The following MIA2 variants were observed in gnomAD, a reference collection of about 807,000 sequenced individuals.
MIA2 encodes the protein MIA SH3 domain ER export factor 2.
Under a neutral mutation model 167.8 loss-of-function variants are expected in MIA2, and 127 were observed. The observed-to-expected ratio is 0.76, with a 90% CI of 0.66 to 0.88. The LOEUF (loss-of-function observed/expected upper bound fraction) is 0.88. Among genes scored for constraint, MIA2 ranks in the 40% least tolerant of loss-of-function variants. The pLI is 0.00. For synonymous variants in MIA2, 552 were observed against 541.9 expected (o/e 1.02, Z -0.26); for missense variants, 1,690 against 1,624.7 (o/e 1.04, Z -0.69).
At chr14:39,266,742 C>T (rs528605685) in intron 6 of MIA2, 1 of 984,824 alleles carries the variant, frequency 1.0e-6, no homozygotes, top group African/African-American at 1.7e-5. Flanking sequence ...GGTACGCCGC[C>T]GTCAGGACTT....
At chr14:39,371,990 A>G (rs906802316) in intron 23 of MIA2, among the ~76,000 whole-genome samples, 4 of 152,012 alleles carry the variant, frequency 2.6e-5, no homozygotes, top group Admixed American at 1.3e-4. Flanking sequence ...AATTTTAGCA[A>G]AAGTCTTAAG....
chr14:39,294,458 A>G (rs1473669409), intron 12 of MIA2, among the ~76,000 whole-genome samples: 1 of 150,894 alleles, frequency 6.6e-6, no homozygotes, highest in African/African-American at 2.4e-5. Context: ...TCGGCCTCCC[A>G]AAGTGCTGGG....
At chr14:39,314,386 T>TAA (rs11413108) in intron 19 of MIA2, among the ~76,000 whole-genome samples, 137 of 143,986 alleles carry the variant, frequency 9.5e-4, no homozygotes, top group Middle Eastern at 3.5e-3. Context: ...ACACTCTGTT[T>TAA]AAAAAAAAAA....
intron 2 of MIA2, 172 bp downstream of exon 2, chr14:39,237,227 A>C: frequency 1.5e-5 from 11 of 729,744 alleles, no homozygotes; most frequent in Non-Finnish European, 1.6e-5. Context: ...TCCTGAGCTC[A>C]AGCCATCCTC....
At chr14:39,265,516 A>C in intron 6 of MIA2, 2 of 917,060 alleles carry the variant, frequency 2.2e-6, no homozygotes, top group Non-Finnish European at 3.4e-6. Flanking sequence ...TATGGGGGGA[A>C]CTTGGATTTT....
At chr14:39,275,074 CA>C (rs35503467) in intron 6 of MIA2, among the ~76,000 whole-genome samples, 6,988 of 51,908 alleles carry the variant, frequency 0.13, 658 homozygotes, top group African/African-American at 0.31. Flanking sequence ...GACTCCGTCT[CA>C]AAAAAAAAAA....
chr14:39,276,056 C>T (rs1360911844), intron 6 of MIA2, among the ~76,000 whole-genome samples: 1 of 152,220 alleles, frequency 6.6e-6, no homozygotes, highest in Non-Finnish European at 1.5e-5. Context: ...CAAACCCCAT[C>T]ATACTTCAGA....
In MIA2 at chr14:39,293,343, A is replaced by G. The variant is rs369726723; in HGVS notation, c.2281A>G (p.Lys761Glu). Residue 761 changes from lysine to glutamate, a missense_variant, in exon 11 of 29, where the codon AAA (lysine) becomes GAA (glutamate). Physicochemically the swap from Lys to Glu is moderately conservative, Grantham distance 56. Transcript: ENST00000640607. ...DEILCLEKELKEEKSKHSEQD... is the reference protein window; with the variant it reads ...DEILCLEKELEEEKSKHSEQD... Reference sequence around the variant, plus strand: ...AATACTCTGTCTAGAAAAAGAGTTAAAAGAAGAGAAATCCAAACATTCTGA... The same window carrying G: ...AATACTCTGTCTAGAAAAAGAGTTAGAAGAAGAGAAATCCAAACATTCTGA... The G allele has an allele frequency of 6.2e-7, 1 of 1,609,018 alleles. No individual in the cohort carries two copies. Among genetic ancestry groups the G allele is most frequent in the African/African-American group, 1.3e-5 (1 of 74,884 alleles).
At chr14:39,277,748 G>GTATATATATATATATATGTGTGTA (rs2058340822) in intron 7 of MIA2, among the ~76,000 whole-genome samples, 1 of 1,848 alleles carries the variant, frequency 5.4e-4, no homozygotes, top group Non-Finnish European at 1.0e-3. Context: ...ATATATGTGT[G>GTATATATATATATATATGTGTGTA]TATATATATA....
At chr14:39,264,563 T>G (rs2055338007) in intron 6 of MIA2, among the ~76,000 whole-genome samples, 1 of 152,230 alleles carries the variant, frequency 6.6e-6, no homozygotes, top group African/African-American at 2.4e-5. Flanking sequence ...TTATATATTC[T>G]TAAGTAGAAT....
Position 39,295,899 on chromosome 14 carries a change from C to T in MIA2, c.2496+870C>T, listed in dbSNP as rs1403644291. Among the ~76,000 whole-genome samples the T allele has an allele frequency of 2.0e-5, 3 of 152,114 alleles. No individual in the cohort carries two copies. The East Asian group carries it at 5.8e-4, about 29-fold the overall frequency. Reference sequence around the variant, plus strand: ...CATATTCTGTCTTATTCAATATTTTCCTTAGGGTTAATAATTGTTTTGTTT... The same window carrying T: ...CATATTCTGTCTTATTCAATATTTTTCTTAGGGTTAATAATTGTTTTGTTT... On this transcript the variant is annotated intron_variant, in intron 13 of 28. Transcript: ENST00000640607.
In MIA2 at chr14:39,240,549, T is replaced by G; in HGVS notation, c.250-12T>G. ...ATTCTTCCTCGATAATCTTTGTTCT[T>G]CATTTTGACAGAAAGGAAAGGAGTT... On this transcript the variant is annotated splice_polypyrimidine_tract_variant and intron_variant, in intron 2 of 28. Transcript: ENST00000640607. The G allele has an allele frequency of 6.3e-7, 1 of 1,596,018 alleles. No individual in the cohort carries two copies. Among genetic ancestry groups the G allele is most frequent in the Non-Finnish European group, 8.6e-7 (1 of 1,164,756 alleles).
chr14:39,262,535 T>C (rs1031002915), intron 6 of MIA2, among the ~76,000 whole-genome samples: 1 of 152,240 alleles, frequency 6.6e-6, no homozygotes, highest in African/African-American at 2.4e-5. Flanking sequence ...AAAGTAGTTT[T>C]TTCCAATTCT....
At chr14:39,255,185 T>G (rs918308351) in intron 6 of MIA2, among the ~76,000 whole-genome samples, 2 of 152,178 alleles carry the variant, frequency 1.3e-5, no homozygotes, top group African/African-American at 4.8e-5. Flanking sequence ...GATTTGGTGT[T>G]GAAGATGTTG....
intron 3 of MIA2, among the ~76,000 whole-genome samples, chr14:39,244,835 T>A (rs1218123636): frequency 6.6e-6 from 1 of 151,962 alleles, no homozygotes; most frequent in Admixed American, 6.6e-5. Flanking sequence ...TGGAGTGCAG[T>A]GGTGCAATTA....
At chr14:39,314,301 C>G (rs2064917352) in intron 19 of MIA2, among the ~76,000 whole-genome samples, 1 of 151,084 alleles carries the variant, frequency 6.6e-6, no homozygotes, top group African/African-American at 2.4e-5. Flanking sequence ...GCAGGAGAAT[C>G]ATTTGAACCC....
chr14:39,301,491 G>T (rs2062488378), intron 14 of MIA2, among the ~76,000 whole-genome samples: 1 of 152,188 alleles, frequency 6.6e-6, no homozygotes, highest in South Asian at 2.1e-4. Flanking sequence ...TGTTATTTGT[G>T]CCTGGAACTC....
intron 18 of MIA2, among the ~76,000 whole-genome samples, chr14:39,309,290 G>A (rs1033963912): frequency 3.9e-5 from 6 of 152,114 alleles, no homozygotes; most frequent in Admixed American, 1.3e-4. Context: ...TCACTCTCGT[G>A]CTCAAAATCC....
intron 6 of MIA2, among the ~76,000 whole-genome samples, chr14:39,255,749 T>C (rs1348364478): frequency 2.0e-5 from 3 of 152,258 alleles, no homozygotes. Context: ...TACTCACTTC[T>C]ATATAAAGTG....
Sources: allele counts gnomAD v4.1 joint callset (sites outside exome capture counted in the v4.1 genomes callset), GRCh38; gene constraint gnomAD v4.1.1; transcripts MANE v1.5; gene names NCBI Gene and HGNC (gene_info 2026-07-23, HGNC 2026-07-21).